MSRB3: variants seen among roughly 807,000 people sequenced by gnomAD.
MSRB3 encodes the protein methionine sulfoxide reductase B3.
MSRB3 carries 13 observed loss-of-function variants against 21.0 expected under a neutral mutation model. The observed-to-expected ratio is 0.62, with a 90% CI of 0.40 to 0.98. The LOEUF (loss-of-function observed/expected upper bound fraction) is 0.98, where lower values mean the gene tolerates loss of function less well. MSRB3 is among the 50% of genes least tolerant of loss of function. The pLI, the probability that MSRB3 is intolerant of heterozygous loss-of-function variation, is 0.00. For missense variants in MSRB3, 199 were observed against 230.3 expected (o/e 0.86, Z 0.88); for synonymous variants, 87 against 88.6 (o/e 0.98, Z 0.10).
At chr12:65,410,735 C>G (rs941224979) in intron 5 of MSRB3, among the ~76,000 whole-genome samples, 1 of 152,116 alleles carries the variant, frequency 6.6e-6, no homozygotes, top group Non-Finnish European at 1.5e-5. Flanking sequence ...TGATATAAAA[C>G]AATAGTGCCA....
intron 2 of MSRB3, among the ~76,000 whole-genome samples, 175 bp from the exon 3 acceptor site, chr12:65,326,651 A>G (rs1057456007): frequency 6.6e-6 from 1 of 152,228 alleles, no homozygotes; most frequent in African/African-American, 2.4e-5. Context: ...AGAAACATTC[A>G]TTTTAAACGT....
chr12:65,300,770 A>G (rs1348013449), intron 1 of MSRB3, among the ~76,000 whole-genome samples: 1 of 152,166 alleles, frequency 6.6e-6, no homozygotes, highest in African/African-American at 2.4e-5. Context: ...CAGAATTGTG[A>G]TTAATGGAGC....
At chr12:65,405,419 T>C (rs1880359303) in intron 5 of MSRB3, among the ~76,000 whole-genome samples, 1 of 151,160 alleles carries the variant, frequency 6.6e-6, no homozygotes, top group South Asian at 2.1e-4. Flanking sequence ...AATAGTATTC[T>C]ATCATATATA....
intron 5 of MSRB3, among the ~76,000 whole-genome samples, chr12:65,408,629 T>C (rs1880549599): frequency 6.6e-6 from 1 of 152,180 alleles, no homozygotes; most frequent in Admixed American, 6.5e-5. Flanking sequence ...GAGTGCATTC[T>C]ATAGACCCAC....
chr12:65,405,359 C>A (rs191611502), intron 5 of MSRB3, among the ~76,000 whole-genome samples: 257 of 151,934 alleles, frequency 1.7e-3, no homozygotes, highest in African/African-American at 5.7e-3. Context: ...CCTCTAGGTT[C>A]GTCTATGTTG....
At chr12:65,279,130 CT>C (rs2136376361) in intron 1 of MSRB3, 1 of 1,313,202 alleles carries the variant, frequency 7.6e-7, no homozygotes, top group East Asian at 3.0e-5. Context: ...TCACTGACAC[CT>C]TATCCTGTCC....
chr12:65,334,453 A>AAAAGG (rs1289974260), intron 4 of MSRB3, among the ~76,000 whole-genome samples: 1 of 152,232 alleles, frequency 6.6e-6, no homozygotes, highest in Non-Finnish European at 1.5e-5. Context: ...TAGTAGAATG[A>AAAAGG]AATTTTAATA....
rs1259506992 is a variant in MSRB3, at chr12:65,326,849, T to C, written c.100T>C (p.Cys34Arg). 2.5e-6 allele frequency: 4 copies of C among 1,610,140 alleles called. No individual in the cohort carries two copies. The highest frequency in any genetic ancestry group is 3.4e-6 in the Non-Finnish European group (4 of 1,178,512). ...AGGGTCGTGTAGGGATAAAAAGAAC[T>C]GTAAGGTGGTCTTTTCCCAGCAGGA... ...PSGSCRDKKN[C>R]KVVFSQQELR... The change falls in exon 3 of 7, where the codon TGT becomes CGT. Residue 34 changes from cysteine (C) to arginine (R), a missense_variant. Cys to Arg is a radical substitution (Grantham distance 180). Coordinates refer to ENST00000308259, the MANE Select transcript of MSRB3 (RefSeq NM_001031679.3).
intron 5 of MSRB3, among the ~76,000 whole-genome samples, chr12:65,414,306 G>A (rs141611031): frequency 6.6e-6 from 1 of 152,224 alleles, no homozygotes; most frequent in East Asian, 1.9e-4. Flanking sequence ...ACATCAGATG[G>A]TAGCAGCTAT....
At chr12:65,357,696 A>G (rs1373852757) in intron 4 of MSRB3, among the ~76,000 whole-genome samples, 1 of 151,848 alleles carries the variant, frequency 6.6e-6, no homozygotes, top group Non-Finnish European at 1.5e-5. Flanking sequence ...TGACCTTGGC[A>G]GGTTTGAGGA....
intron 4 of MSRB3, among the ~76,000 whole-genome samples, chr12:65,353,738 G>T (rs1592556709): frequency 6.6e-6 from 1 of 151,902 alleles, no homozygotes; most frequent in African/African-American, 2.4e-5. Context: ...TAAAGTTAAT[G>T]TTATTATGTG....
chr12:65,406,077 T>C (rs1880398075), intron 5 of MSRB3, among the ~76,000 whole-genome samples: 1 of 152,190 alleles, frequency 6.6e-6, no homozygotes, highest in South Asian at 2.1e-4. Context: ...TTTAGTTTGA[T>C]GTGATCCCAT....
chr12:65,463,273 GAGGCAGTGGGGTCGCCAGCCCGGCCC>G lies in MSRB3; in HGVS notation c.516_541del (p.Ser172ArgfsTer8), dbSNP rs1565903642. The G allele has an allele frequency of 1.9e-6, 3 of 1,614,188 alleles. No individual in the cohort carries two copies. The East Asian group carries it at 6.7e-5, about 36-fold the overall frequency. ...GCGGATAGCAGTGGCACCGCCGAGGGAGGCAGTGGGGTCGCCAGCCCGGCCCAGGCAGACAAAGCGGAGCTCTAGAG... is the reference window on the plus strand; with the variant it reads ...GCGGATAGCAGTGGCACCGCCGAGGGAGGCAGACAAAGCGGAGCTCTAGAG... On this transcript the variant is annotated frameshift_variant, in exon 7 of 7. Transcript: ENST00000308259. LOFTEE classifies it low-confidence loss of function (END_TRUNC).
chr12:65,301,205 G>A (rs956329807), intron 1 of MSRB3, among the ~76,000 whole-genome samples: 1 of 152,014 alleles, frequency 6.6e-6, no homozygotes, highest in African/African-American at 2.4e-5. Context: ...AATATATATG[G>A]AGACTAAAGG....
At chr12:65,297,512 A>G (rs1166140152) in intron 1 of MSRB3, among the ~76,000 whole-genome samples, 2 of 152,224 alleles carry the variant, frequency 1.3e-5, no homozygotes, top group Admixed American at 6.5e-5. Context: ...TTATTTGACA[A>G]ATATTTACTG....
At chr12:65,402,964 C>G (rs1224636347) in intron 5 of MSRB3, among the ~76,000 whole-genome samples, 1 of 152,202 alleles carries the variant, frequency 6.6e-6, no homozygotes, top group Non-Finnish European at 1.5e-5. Flanking sequence ...GCTGCCTGTT[C>G]GTTCCTCTGG....
At chr12:65,323,320 A>G (rs796203843) in intron 2 of MSRB3, among the ~76,000 whole-genome samples, 28 of 152,358 alleles carry the variant, frequency 1.8e-4, no homozygotes, top group African/African-American at 6.3e-4. Flanking sequence ...GCTTCGCTAT[A>G]AAAAGAGACT....
rs1164776419 is a variant in MSRB3, at chr12:65,291,086, C to CT, written c.-52+12231dup. Among the ~76,000 whole-genome samples, 77 of 149,006 alleles carry CT rather than the reference C, an allele frequency of 5.2e-4. No homozygotes were observed. The East Asian group carries it at 8.7e-3, about 17-fold the overall frequency. ...CTTTTTTCCTGTATTCTGTGGCTTT[C>CT]TTTTTTTTTTCTTTTTGCGATGGAG... On this transcript the variant is annotated intron_variant, in intron 1 of 6. Transcript: ENST00000308259.
chr12:65,463,350 G>A lies in MSRB3; in HGVS notation c.*28G>A, dbSNP rs1394247106. On this transcript the variant is annotated 3_prime_UTR_variant, in exon 7 of 7. Transcript: ENST00000308259. Reference sequence around the variant, plus strand: ...TAATGGAGAGTGATGGAAACAAAGTGTACTTAATGCACAGCTTATTAAAAA... The same window carrying A: ...TAATGGAGAGTGATGGAAACAAAGTATACTTAATGCACAGCTTATTAAAAA... 6 of 1,613,412 alleles carry A rather than the reference G, an allele frequency of 3.7e-6. No individual in the cohort carries two copies. The Admixed American group carries it at 8.3e-5, about 22-fold the overall frequency.
Sources: gnomAD v4.1 joint callset for allele counts (sites outside exome capture counted in the v4.1 genomes callset) on GRCh38, gnomAD v4.1.1 for gene constraint, MANE v1.5 for transcripts, NCBI Gene and HGNC (gene_info 2026-07-23, HGNC 2026-07-21) for gene names.